The following FASTKD1 variants were observed in gnomAD, a reference collection of about 807,000 sequenced individuals.
The protein encoded by FASTKD1 is FAST kinase domain-containing protein 1, mitochondrial.
FASTKD1 carries 94 observed loss-of-function variants against 90.9 expected under a neutral mutation model. That is an observed-to-expected ratio of 1.03 (90% CI 0.88 to 1.23). The LOEUF is 1.23. Ranked by LOEUF, FASTKD1 falls within the 50% of genes most tolerant of loss-of-function variation. The pLI is 0.00. For missense variants in FASTKD1, 945 were observed against 993.5 expected (o/e 0.95, Z 0.66); for synonymous variants, 319 against 345.8 (o/e 0.92, Z 0.86).
chr2:169,561,963 TGTAA>T lies in FASTKD1; in HGVS notation c.573-1182_573-1179del, dbSNP rs879273384. Among the ~76,000 whole-genome samples, 281 of 127,338 alleles carry T rather than the reference TGTAA, an allele frequency of 2.2e-3. 11 individuals carry two copies. The highest frequency in any genetic ancestry group is 3.2e-3 in the Non-Finnish European group (194 of 61,396). 83.5% of individuals were successfully genotyped at this position (127,338 alleles called of 152,430 possible). A position where few individuals can be genotyped will look rare whatever the true frequency, so the allele number is the denominator to read the frequency against. On this transcript the variant is annotated intron_variant, in intron 4 of 14. Transcript: ENST00000453153. Reference sequence around the variant, plus strand: ...TATTATAAATTAATTATTAATTTATTGTAAATTAATTATTCATTAATTTATTGTA... The same window carrying T: ...TATTATAAATTAATTATTAATTTATTATTAATTATTCATTAATTTATTGTA...
intron 7 of FASTKD1, among the ~76,000 whole-genome samples, chr2:169,548,222 T>C (rs1020893696): frequency 1.3e-5 from 2 of 152,058 alleles, no homozygotes; most frequent in Non-Finnish European, 2.9e-5. Context: ...GTTCAATTTC[T>C]GATATCACCT....
At position 169,546,538 on chromosome 2, in the gene FASTKD1, A is replaced by G. The variant is rs1472036052; in HGVS notation, c.1381T>C (p.Trp461Arg). The stretch of plus-strand genomic sequence containing the variant: ...AAATACATGTGATCATGCTGAATCC[A>G]TCTTAAAACAGATGTGGCAAAACTA... ...LSSFATSVLR[W>R]IQHDHMYLDN... The change falls in exon 8 of 15, where the codon TGG becomes CGG. Residue 461 changes from tryptophan to arginine, a missense_variant. Coordinates refer to ENST00000453153, the MANE Select transcript of FASTKD1 (RefSeq NM_024622.6). The G allele has an allele frequency of 1.9e-6, 3 of 1,614,038 alleles. No individual in the cohort carries two copies. The highest frequency in any genetic ancestry group is 3.3e-5 in the Admixed American group (2 of 59,996).
intron 3 of FASTKD1, among the ~76,000 whole-genome samples, chr2:169,567,294 T>C (rs1187202622): frequency 6.6e-6 from 1 of 152,230 alleles, no homozygotes; most frequent in African/African-American, 2.4e-5. Flanking sequence ...ACAAGTGATT[T>C]GTTCAAGCTG....
rs1684355858 is a variant in FASTKD1 at position 169,528,585 on chromosome 2, C to T, written c.*1240G>A. Among the ~76,000 whole-genome samples the T allele has an allele frequency of 6.6e-6, 1 of 152,110 alleles. No homozygotes were observed. Among genetic ancestry groups the T allele is most frequent in the Admixed American group, 6.5e-5 (1 of 15,268 alleles). Reference sequence around the variant, plus strand: ...ATTATTCCCTCAATGTGTAGGATTACACCAGGTCAAGATGGTCCACTCAGC... The same window carrying T: ...ATTATTCCCTCAATGTGTAGGATTATACCAGGTCAAGATGGTCCACTCAGC... On this transcript the variant is annotated 3_prime_UTR_variant, in exon 15 of 15. Transcript: ENST00000453153.
intron 12 of FASTKD1, chr2:169,536,902 C>A: frequency 5.2e-6 from 1 of 193,976 alleles, no homozygotes; most frequent in Non-Finnish European, 1.0e-5. Flanking sequence ...TTTTCACACA[C>A]TGAATGGAGA....
chr2:169,545,715 T>C (rs564167128), intron 8 of FASTKD1, among the ~76,000 whole-genome samples: 1 of 152,298 alleles, frequency 6.6e-6, no homozygotes, highest in East Asian at 1.9e-4. Context: ...TTTTAAATGG[T>C]AAAAATAATA....
intron 2 of FASTKD1, 122 bp from the exon 3 acceptor site, chr2:169,569,374 T>C: frequency 1.1e-6 from 1 of 871,190 alleles, no homozygotes; most frequent in Non-Finnish European, 1.9e-6. Flanking sequence ...AGGCAGTCCT[T>C]ATTTCTGGTC....
chr2:169,565,703 C>T (rs1461174065), intron 3 of FASTKD1, among the ~76,000 whole-genome samples: 1 of 152,014 alleles, frequency 6.6e-6, no homozygotes, highest in African/African-American at 2.4e-5. Flanking sequence ...GGGTATATAC[C>T]CAGGCAGTGG....
rs1279864168 is a variant in FASTKD1, at chr2:169,529,922, G to A, written c.2447C>T (p.Ser816Phe). The change falls in exon 15 of 15, where the codon TCC becomes TTC. Residue 816 changes from serine (S) to phenylalanine (F), a missense_variant. Physicochemically the swap from Ser to Phe is radical, Grantham distance 155 (BLOSUM62 -2). Transcript: ENST00000453153. ...TGCCATAGAGTTCCATTCAAACTGG[G>A]AAATCTGAAAATAAGTAATGTTGTT... ...EILGYRVIQI[S>F]QFEWNSMALS... is the part of the protein sequence containing the mutation. 1 of 1,604,396 alleles carries A rather than the reference G, an allele frequency of 6.2e-7. No homozygotes were observed. The highest frequency in any genetic ancestry group is 8.5e-7 in the Non-Finnish European group (1 of 1,174,822).
intron 13 of FASTKD1, 161 bp downstream of exon 13, chr2:169,531,191 T>A (rs890850771): frequency 2.5e-6 from 2 of 807,968 alleles, no homozygotes; most frequent in Non-Finnish European, 2.2e-6. Flanking sequence ...AGGGAGAACA[T>A]TAAAGCAGAA....
At chr2:169,569,805 T>C (rs909543097) in intron 2 of FASTKD1, among the ~76,000 whole-genome samples, 5 of 152,172 alleles carry the variant, frequency 3.3e-5, no homozygotes, top group African/African-American at 1.2e-4. Flanking sequence ...GAGCCGAGAC[T>C]GCACCACTGC....
Position 169,546,300 on chromosome 2 carries a change from G to T in FASTKD1, c.1619C>A (p.Ala540Glu), listed in dbSNP as rs772666678. ...GTAATCAGTACTAGAAATAAAAGAT[G>T]CAATCTCCCCAACATTTATGTAATT... ...DINYINVGEI[A>E]SFISSTDYLS... Residue 540 changes from alanine (A) to glutamate (E), a missense_variant, in exon 8 of 15, where the codon GCA (alanine) becomes GAA (glutamate). Physicochemically the swap from Ala to Glu is moderately radical, Grantham distance 107. Transcript: ENST00000453153. The T allele has an allele frequency of 1.2e-6, 2 of 1,613,548 alleles. No individual in the cohort carries two copies. The highest frequency in any genetic ancestry group is 1.3e-5 in the African/African-American group (1 of 74,840).
intron 3 of FASTKD1, among the ~76,000 whole-genome samples, chr2:169,568,509 A>G (rs1389608152): frequency 6.6e-6 from 1 of 151,736 alleles, no homozygotes; most frequent in East Asian, 1.9e-4. Flanking sequence ...TAAAGAATAC[A>G]CAGCCAGGCA....
chr2:169,571,916 TG>T lies in FASTKD1; in HGVS notation c.113del (p.Pro38HisfsTer2). The T allele has an allele frequency of 5.0e-6, 8 of 1,614,112 alleles. No homozygotes were observed. The highest frequency in any genetic ancestry group is 6.8e-6 in the Non-Finnish European group (8 of 1,179,996). On this transcript the variant is annotated frameshift_variant, in exon 2 of 15. Transcript: ENST00000453153. LOFTEE classifies it high-confidence loss of function. ...VFQFRPISCE[P>X]LIIQMNKCTD... ...TACACTTATTCATCTGAATAATTAG[TG>T]GTTCACAACTGATGGGTCGAAATTG...
At chr2:169,565,961 C>T (rs1024712653) in intron 3 of FASTKD1, among the ~76,000 whole-genome samples, 6 of 152,170 alleles carry the variant, frequency 3.9e-5, no homozygotes, top group African/African-American at 1.4e-4. Flanking sequence ...TGCCTGTTTG[C>T]CATTTGCACG....
Position 169,563,619 on chromosome 2 carries a change from T to C in FASTKD1, c.447-269A>G, listed in dbSNP as rs11891459. ...ACAATTTTGACTCAAGGTTGCATAT[T>C]AACAAATATAATGGCTGCTACTACA... is the stretch of plus-strand genomic sequence containing the variant. On this transcript the variant is annotated intron_variant, in intron 3 of 14. Coordinates refer to ENST00000453153, the MANE Select transcript of FASTKD1 (RefSeq NM_024622.6). Among the ~76,000 whole-genome samples the C allele has an allele frequency of 3.4e-3, 511 of 152,232 alleles. 4 individuals are homozygous for C. The highest frequency in any genetic ancestry group is 0.012 in the African/African-American group (486 of 41,558).
At chr2:169,544,103 A>T (rs1436541534) in intron 9 of FASTKD1, among the ~76,000 whole-genome samples, 1 of 152,190 alleles carries the variant, frequency 6.6e-6, no homozygotes, top group African/African-American at 2.4e-5. Flanking sequence ...GGAGGGTCAC[A>T]ATGACTACAA....
At chr2:169,567,112 C>T (rs1268802072) in intron 3 of FASTKD1, among the ~76,000 whole-genome samples, 1 of 145,522 alleles carries the variant, frequency 6.9e-6, no homozygotes, top group Non-Finnish European at 1.5e-5. Context: ...GAGACTCTGT[C>T]TCAAAAAAAA....
chr2:169,556,740 G>A (rs1317832505), intron 6 of FASTKD1, among the ~76,000 whole-genome samples: 1 of 151,916 alleles, frequency 6.6e-6, no homozygotes, highest in Non-Finnish European at 1.5e-5. Flanking sequence ...CAGGAGAATC[G>A]CTTGAACCCG....
Sources: allele counts gnomAD v4.1 joint callset (sites outside exome capture counted in the v4.1 genomes callset), GRCh38; gene constraint gnomAD v4.1.1; transcripts MANE v1.5; gene names NCBI Gene and HGNC (gene_info 2026-07-23, HGNC 2026-07-21).